The following CFAP61 variants were observed in gnomAD, a reference collection of about 807,000 sequenced individuals.
CFAP61 encodes cilia and flagella associated protein 61.
CFAP61 carries 107 observed loss-of-function variants against 135.6 expected under a neutral mutation model. The observed-to-expected ratio is 0.79, with a 90% CI of 0.67 to 0.93. The LOEUF is 0.93. Among genes scored for constraint, CFAP61 ranks in the 40% least tolerant of loss-of-function variants. CFAP61 has a pLI of 0.00. For synonymous variants in CFAP61, 575 were observed against 578.5 expected, an observed-to-expected ratio of 0.99 and a Z score of 0.09; for missense variants, 1,507 against 1,556.2, an observed-to-expected ratio of 0.97 and a Z score of 0.53.
chr20:20,256,321 CAGTA>C (rs992498380), intron 20 of CFAP61, among the ~76,000 whole-genome samples: 12 of 152,084 alleles, frequency 7.9e-5, no homozygotes, highest in African/African-American at 1.7e-4. Flanking sequence ...AAAGATAACA[CAGTA>C]AGAGAAAGAG....
At chr20:20,259,734 C>T (rs1382030805) in intron 20 of CFAP61, 1 of 152,124 alleles carries the variant, frequency 6.6e-6, no homozygotes, top group Non-Finnish European at 1.5e-5. Context: ...TCCTGACCAC[C>T]TCTTAGGTCT....
chr20:20,351,066 T>C (rs2058816175), intron 26 of CFAP61, among the ~76,000 whole-genome samples: 1 of 152,190 alleles, frequency 6.6e-6, no homozygotes, highest in Non-Finnish European at 1.5e-5. Context: ...ATGCCTACTC[T>C]TGCCACTTCT....
intron 2 of CFAP61, among the ~76,000 whole-genome samples, chr20:20,059,183 C>G (rs550501536): frequency 6.6e-6 from 1 of 151,776 alleles, no homozygotes; most frequent in East Asian, 1.9e-4. Context: ...CAAAAATTGA[C>G]TGAATGTGGT....
At chr20:20,166,472 A>G (rs757480767) in intron 12 of CFAP61, 36 bp downstream of exon 12, 6 of 1,530,888 alleles carry the variant, frequency 3.9e-6, no homozygotes, top group South Asian at 1.1e-5. Flanking sequence ...CTGATTTTGT[A>G]AGCTTAGAGA....
intron 23 of CFAP61, among the ~76,000 whole-genome samples, 192 bp downstream of exon 23, chr20:20,289,128 CG>C (rs1418803513): frequency 6.6e-6 from 1 of 152,092 alleles, no homozygotes; most frequent in Non-Finnish European, 1.5e-5. Context: ...ATTGTTATTA[CG>C]GTTCTTTGCA....
chr20:20,150,794 A>T (rs1205807662), intron 9 of CFAP61, among the ~76,000 whole-genome samples: 1 of 152,210 alleles, frequency 6.6e-6, no homozygotes, highest in Non-Finnish European at 1.5e-5. Context: ...TACCAGACCC[A>T]GAAGAGAAAT....
intron 26 of CFAP61, among the ~76,000 whole-genome samples, chr20:20,355,599 AG>A (rs1424755925): frequency 8.1e-6 from 1 of 122,972 alleles, no homozygotes; most frequent in African/African-American, 3.4e-5. Flanking sequence ...GTGAGGGGGA[AG>A]GTGGTCACAC....
chr20:20,280,408 T>C (rs1261198859), intron 22 of CFAP61, among the ~76,000 whole-genome samples: 1 of 152,188 alleles, frequency 6.6e-6, no homozygotes, highest in African/African-American at 2.4e-5. Flanking sequence ...AAATTTCTCT[T>C]GTCTTGAGCT....
At chr20:20,096,533 T>C (rs959195644) in intron 7 of CFAP61, among the ~76,000 whole-genome samples, 3 of 152,274 alleles carry the variant, frequency 2.0e-5, no homozygotes, top group Admixed American at 6.5e-5. Flanking sequence ...ATTCTTATCA[T>C]ACACATGCAG....
chr20:20,068,627 G>T (rs747123284), intron 2 of CFAP61, among the ~76,000 whole-genome samples: 23 of 152,222 alleles, frequency 1.5e-4, no homozygotes, highest in Non-Finnish European at 3.2e-4. Context: ...CACTGAGATT[G>T]ATATCCCCAG....
chr20:20,242,125 A>G (rs1325683125), intron 18 of CFAP61, among the ~76,000 whole-genome samples: 1 of 152,182 alleles, frequency 6.6e-6, no homozygotes, highest in East Asian at 1.9e-4. Context: ...TTTTAGTGCT[A>G]CTCAACAGAT....
intron 12 of CFAP61, among the ~76,000 whole-genome samples, chr20:20,168,924 G>A (rs913962487): frequency 1.3e-5 from 2 of 152,202 alleles, no homozygotes; most frequent in Non-Finnish European, 2.9e-5. Context: ...GCAAGAGGAA[G>A]GGACCACTGG....
At chr20:20,108,580 A>G (rs1252973717) in intron 8 of CFAP61, among the ~76,000 whole-genome samples, 1 of 152,176 alleles carries the variant, frequency 6.6e-6, no homozygotes, top group Non-Finnish European at 1.5e-5. Context: ...CTAATAAAAC[A>G]CATGTTATGA....
At chr20:20,222,896 GAGAT>G (rs1344266463) in intron 17 of CFAP61, among the ~76,000 whole-genome samples, 23 of 152,192 alleles carry the variant, frequency 1.5e-4, no homozygotes, top group African/African-American at 1.9e-4. Flanking sequence ...GGAGAAAAGA[GAGAT>G]AGAGAAGCAT....
chr20:20,333,858 A>C (rs1409845303), intron 25 of CFAP61, among the ~76,000 whole-genome samples: 1 of 152,194 alleles, frequency 6.6e-6, no homozygotes, highest in African/African-American at 2.4e-5. Context: ...AAGGACCTAA[A>C]GGAAAACTTG....
chr20:20,155,613 TGAA>T, intron 9 of CFAP61, among the ~76,000 whole-genome samples: 1 of 151,990 alleles, frequency 6.6e-6, no homozygotes, highest in Non-Finnish European at 1.5e-5. Flanking sequence ...GCAAAGGACA[TGAA>T]TAGAGAATCC....
At chr20:20,200,083 A>T (rs1464878164) in intron 17 of CFAP61, among the ~76,000 whole-genome samples, 181 bp downstream of exon 17, 1 of 152,082 alleles carries the variant, frequency 6.6e-6, no homozygotes, top group African/African-American at 2.4e-5. Context: ...TCAAGTCGTT[A>T]TTTCCCGGGA....
At chr20:20,354,339 T>C (rs573940955) in intron 26 of CFAP61, among the ~76,000 whole-genome samples, 1 of 151,878 alleles carries the variant, frequency 6.6e-6, no homozygotes, top group Non-Finnish European at 1.5e-5. Flanking sequence ...TCGTCTGTAC[T>C]AAAAATACAA....
chr20:20,093,823 A>G (rs905755635), intron 7 of CFAP61, among the ~76,000 whole-genome samples: 3 of 152,168 alleles, frequency 2.0e-5, no homozygotes, highest in Non-Finnish European at 2.9e-5. Flanking sequence ...ACTCAGGCCA[A>G]TTAAGTCAAT....
Sources: gnomAD v4.1 joint callset for allele counts (sites outside exome capture counted in the v4.1 genomes callset) on GRCh38, gnomAD v4.1.1 for gene constraint, MANE v1.5 for transcripts, NCBI Gene and HGNC (gene_info 2026-07-23, HGNC 2026-07-21) for gene names.